The following PCDHGA12 variants were observed in gnomAD, a reference collection of about 807,000 sequenced individuals.
PCDHGA12 encodes the protein protocadherin gamma-A12.
A neutral mutation model predicts 61.1 loss-of-function variants in PCDHGA12; 43 were observed. That is an observed-to-expected ratio of 0.70 (90% CI 0.55 to 0.91). The LOEUF (loss-of-function observed/expected upper bound fraction) is 0.91, where lower values mean the gene tolerates loss of function less well. Among genes scored for constraint, PCDHGA12 ranks in the 40% least tolerant of loss-of-function variants. The probability of loss-of-function intolerance (pLI) is 0.00; values close to 1 mark genes in which losing one functional copy is unlikely to be tolerated. For synonymous variants in PCDHGA12, 520 were observed against 542.9 expected (o/e 0.96, Z 0.59); for missense variants, 1,236 against 1,227.7 (o/e 1.01, Z -0.10).
intron 2 of PCDHGA12, among the ~76,000 whole-genome samples, chr5:141,496,492 C>A (rs2099769172): frequency 6.6e-6 from 1 of 152,186 alleles, no homozygotes; most frequent in Non-Finnish European, 1.5e-5. Context: ...CCAACCAAAC[C>A]CTTGTTGCCA....
chr5:141,431,111 G>A lies in PCDHGA12; in HGVS notation c.352G>A (p.Gly118Arg), dbSNP rs2097343539. The A allele has an allele frequency of 1.9e-6, 3 of 1,614,110 alleles. No individual in the cohort carries two copies. Among genetic ancestry groups the A allele is most frequent in the Non-Finnish European group, 2.5e-6 (3 of 1,180,034 alleles). The change falls in exon 1 of 4, where the codon GGA (glycine) becomes AGA (arginine). Residue 118 changes from glycine (G) to arginine (R), a missense_variant. Coordinates refer to ENST00000252085, the MANE Select transcript of PCDHGA12 (RefSeq NM_003735.3). This position sits in a 1 kb window ranked among gnomAD's most constrained non-coding sequence, Gnocchi z 4.8. ...GATGGAGGATAAAGTGAAAATATAT[G>A]GAGTAGAAGTAGAAGTAAGGGACAT... ...ILMEDKVKIY[G>R]VEVEVRDIND...
At position 141,432,273 on chromosome 5, in the gene PCDHGA12, T is replaced by G. The variant is rs199937628; in HGVS notation, c.1514T>G (p.Val505Gly). 6.8e-6 allele frequency: 11 copies of G among 1,614,238 alleles called. No individual in the cohort carries two copies. In the Admixed American group the frequency reaches 1.7e-4, roughly 24 times the overall value. ...CAAGGGGCAAGCCTATCGTCCTACG[T>G]GTCCATCAACTCCGACACTGGGGTA... ...TIQGASLSSY[V>G]SINSDTGVLY... The change falls in exon 1 of 4, where the codon GTG becomes GGG. Residue 505 changes from valine (V) to glycine (G), a missense_variant. Coordinates refer to ENST00000252085, the MANE Select transcript of PCDHGA12 (RefSeq NM_003735.3). This position sits in a 1 kb window ranked among gnomAD's most constrained non-coding sequence, Gnocchi z 6.0.
Position 141,491,273 on chromosome 5 carries a change from G to A in PCDHGA12, c.2425-3534G>A. ...GACCCTGAGGAAATGCCCAAATCCA[G>A]TGACTTCCTCATACACCCTCCTGAG... On this transcript the variant is annotated intron_variant, in intron 1 of 3. Coordinates refer to ENST00000252085, the MANE Select transcript of PCDHGA12 (RefSeq NM_003735.3). This position sits in a 1 kb window ranked among gnomAD's most constrained non-coding sequence, Gnocchi z 6.9. The A allele has an allele frequency of 6.2e-7, 1 of 1,614,182 alleles. No individual in the cohort carries two copies. Among genetic ancestry groups the A allele is most frequent in the South Asian group, 1.1e-5 (1 of 91,082 alleles).
rs368927472 is a variant in PCDHGA12 at position 141,490,874 on chromosome 5, A to G, written c.2425-3933A>G. The G allele has an allele frequency of 2.4e-5, 39 of 1,613,830 alleles. No individual in the cohort carries two copies. Among genetic ancestry groups the G allele is most frequent in the Non-Finnish European group, 3.1e-5 (36 of 1,179,960 alleles). ...CGAGACTCCGGCTCTCCCCCATTGCATGCCAACACATCTCTGCATGTGTTT... is the reference window on the plus strand; with the variant it reads ...CGAGACTCCGGCTCTCCCCCATTGCGTGCCAACACATCTCTGCATGTGTTT... On this transcript the variant is annotated intron_variant, in intron 1 of 3. Transcript: ENST00000252085. This position sits in a 1 kb window ranked among gnomAD's most constrained non-coding sequence, Gnocchi z 5.4.
intron 2 of PCDHGA12, 166 bp from the exon 3 acceptor site, chr5:141,505,227 T>C: frequency 1.2e-6 from 1 of 840,112 alleles, no homozygotes; most frequent in Non-Finnish European, 1.4e-6. Context: ...TGTGGGATTC[T>C]GGCTTCTGAA....
rs925034052 is a variant in PCDHGA12, at chr5:141,486,630, T to G, written c.2425-8177T>G. 2 of 1,613,690 alleles carry G rather than the reference T, an allele frequency of 1.2e-6. No individual in the cohort carries two copies. Among genetic ancestry groups the G allele is most frequent in the Non-Finnish European group, 1.7e-6 (2 of 1,180,028 alleles). ...GCAGCCTCTGACCCAGACTCTGGCTTGAATGCGCTTATCTCCTACTCACTC... is the reference window on the plus strand; with the variant it reads ...GCAGCCTCTGACCCAGACTCTGGCTGGAATGCGCTTATCTCCTACTCACTC... On this transcript the variant is annotated intron_variant, in intron 1 of 3. Coordinates refer to ENST00000252085, the MANE Select transcript of PCDHGA12 (RefSeq NM_003735.3). This position sits in a 1 kb window ranked among gnomAD's most constrained non-coding sequence, Gnocchi z 5.0.
At position 141,486,038 on chromosome 5, in the gene PCDHGA12, G is replaced by T; in HGVS notation, c.2425-8769G>T. The stretch of plus-strand genomic sequence containing the variant: ...TTTCAGTGGTCATACCCCTGATCGT[G>T]TAAGAAACCTCTTTAGCCTGCACCC... On this transcript the variant is annotated intron_variant, in intron 1 of 3. Coordinates refer to ENST00000252085, the MANE Select transcript of PCDHGA12 (RefSeq NM_003735.3). This position sits in a 1 kb window ranked among gnomAD's most constrained non-coding sequence, Gnocchi z 5.0. The T allele has an allele frequency of 3.1e-6, 5 of 1,614,184 alleles. No individual in the cohort carries two copies. Among genetic ancestry groups the T allele is most frequent in the Non-Finnish European group, 4.2e-6 (5 of 1,180,018 alleles).
chr5:141,431,610 T>A lies in PCDHGA12; in HGVS notation c.851T>A (p.Val284Glu). ...NAEVRYSFRY[V>E]DDKAAQVFKL... The stretch of plus-strand genomic sequence containing the variant: ...GAAGTGAGGTATTCCTTCCGGTATG[T>A]GGACGACAAGGCGGCCCAAGTTTTC... Residue 284 changes from valine to glutamate, a missense_variant, in exon 1 of 4, where the codon GTG (valine) becomes GAG (glutamate). By Grantham distance (121) the Val-to-Glu change is moderately radical (BLOSUM62 -2). Transcript: ENST00000252085. The surrounding 1 kb of genome is among the most constrained non-coding windows in gnomAD (Gnocchi z 4.8). 6.2e-7 allele frequency: 1 copy of A among 1,614,238 alleles called. No homozygotes were observed. Among genetic ancestry groups the A allele is most frequent in the Non-Finnish European group, 8.5e-7 (1 of 1,180,034 alleles).
intron 1 of PCDHGA12, among the ~76,000 whole-genome samples, chr5:141,447,375 T>C (rs1431576261): frequency 6.6e-6 from 1 of 152,030 alleles, no homozygotes; most frequent in African/African-American, 2.4e-5. Context: ...CTGACCCTGG[T>C]GATCTGCCCA....
intron 1 of PCDHGA12, among the ~76,000 whole-genome samples, chr5:141,445,751 G>T (rs1211416281): frequency 2.0e-5 from 3 of 152,102 alleles, no homozygotes; most frequent in Non-Finnish European, 4.4e-5. Context: ...AAAAATAAAA[G>T]GTGTGACTCA....
intron 1 of PCDHGA12, among the ~76,000 whole-genome samples, chr5:141,451,522 A>G (rs1387873094): frequency 6.6e-6 from 1 of 152,200 alleles, no homozygotes; most frequent in Non-Finnish European, 1.5e-5. Flanking sequence ...TAGAGCAAGT[A>G]AAGGAGAGTG....
intron 1 of PCDHGA12, among the ~76,000 whole-genome samples, chr5:141,444,014 T>C (rs2098414038): frequency 6.6e-6 from 1 of 152,122 alleles, no homozygotes; most frequent in Admixed American, 6.6e-5. Flanking sequence ...GGGTATTGGC[T>C]TCTAAAAGGA....
rs201408987 is a variant in PCDHGA12, at chr5:141,476,857, C to T, written c.2425-17950C>T. 12 of 1,613,768 alleles carry T rather than the reference C, an allele frequency of 7.4e-6. No individual in the cohort carries two copies. The highest frequency in any genetic ancestry group is 1.0e-5 in the Non-Finnish European group (12 of 1,180,054). ...ACAATGCGCCTGTCTTCAACCAGTC[C>T]TTGTACCGGGCGCGCGTCCTGGAGG... On this transcript the variant is annotated intron_variant, in intron 1 of 3. Transcript: ENST00000252085. The surrounding 1 kb of genome is among the most constrained non-coding windows in gnomAD (Gnocchi z 7.6).
Position 141,477,365 on chromosome 5 carries a change from C to T in PCDHGA12, c.2425-17442C>T, listed in dbSNP as rs754438240. On this transcript the variant is annotated intron_variant, in intron 1 of 3. Transcript: ENST00000252085. The surrounding 1 kb of genome is among the most constrained non-coding windows in gnomAD (Gnocchi z 4.9). ...TTTGAAAACCAGTGCAGACCTGGAT[C>T]GGGAGACTGTGCCAGAATACAACCT... The T allele has an allele frequency of 6.2e-7, 1 of 1,614,156 alleles. No homozygotes were observed. The highest frequency in any genetic ancestry group is 1.7e-5 in the Admixed American group (1 of 60,022).
chr5:141,490,279 G>A lies in PCDHGA12; in HGVS notation c.2425-4528G>A, dbSNP rs1344083401. The A allele has an allele frequency of 5.6e-6, 9 of 1,614,228 alleles. No individual in the cohort carries two copies. In the East Asian group the frequency reaches 1.8e-4, roughly 32 times the overall value. On this transcript the variant is annotated intron_variant, in intron 1 of 3. Coordinates refer to ENST00000252085, the MANE Select transcript of PCDHGA12 (RefSeq NM_003735.3). This position sits in a 1 kb window ranked among gnomAD's most constrained non-coding sequence, Gnocchi z 5.4. ...GGATGTGGGGGATGTCAATGACAAT[G>A]CCCCAGAGGTGCTATTGGCCTCTTT...
At chr5:141,505,993 T>TGCGA (rs2099849805) in intron 3 of PCDHGA12, among the ~76,000 whole-genome samples, 1 of 152,188 alleles carries the variant, frequency 6.6e-6, no homozygotes, top group African/African-American at 2.4e-5. Context: ...CTCCTCTTTA[T>TGCGA]GCGAGGCTCC....
Position 141,431,241 on chromosome 5 carries a change from A to T in PCDHGA12, c.482A>T (p.Asp161Val). The change falls in exon 1 of 4, where the codon GAT becomes GTT. Residue 161 changes from aspartate to valine, a missense_variant. Coordinates refer to ENST00000252085, the MANE Select transcript of PCDHGA12 (RefSeq NM_003735.3). This position sits in a 1 kb window ranked among gnomAD's most constrained non-coding sequence, Gnocchi z 4.8. ...RFPLPHAWDPDIGKNSLQSYE... is the reference protein window; with the variant it reads ...RFPLPHAWDPVIGKNSLQSYE... ...CCTCTACCCCACGCCTGGGATCCGG[A>T]TATCGGGAAGAACTCTCTGCAGAGC... The T allele has an allele frequency of 6.2e-7, 1 of 1,614,138 alleles. No individual in the cohort carries two copies. The highest frequency in any genetic ancestry group is 8.5e-7 in the Non-Finnish European group (1 of 1,180,046).
chr5:141,495,973 A>T, intron 2 of PCDHGA12, among the ~76,000 whole-genome samples: 1 of 146,986 alleles, frequency 6.8e-6, no homozygotes, highest in Admixed American at 6.8e-5. Flanking sequence ...TTTCTCTGTT[A>T]CTCTTTCTTT....
chr5:141,491,454 C>G lies in PCDHGA12; in HGVS notation c.2425-3353C>G. ...GCTGCAGGCGCCAGGACTCACCCTCCCCGGACTTCTATAAGCAGTCCAGCC... is the reference window on the plus strand; with the variant it reads ...GCTGCAGGCGCCAGGACTCACCCTCGCCGGACTTCTATAAGCAGTCCAGCC... On this transcript the variant is annotated intron_variant, in intron 1 of 3. Coordinates refer to ENST00000252085, the MANE Select transcript of PCDHGA12 (RefSeq NM_003735.3). This position sits in a 1 kb window ranked among gnomAD's most constrained non-coding sequence, Gnocchi z 6.9. The G allele has an allele frequency of 6.2e-7, 1 of 1,614,120 alleles. No individual in the cohort carries two copies. Among genetic ancestry groups the G allele is most frequent in the Non-Finnish European group, 8.5e-7 (1 of 1,180,032 alleles).
Sources: allele counts gnomAD v4.1 joint callset (sites outside exome capture counted in the v4.1 genomes callset), GRCh38; gene constraint gnomAD v4.1.1; non-coding constraint Gnocchi (gnomAD v3.1); transcripts MANE v1.5; gene names NCBI Gene and HGNC (gene_info 2026-07-23, HGNC 2026-07-21).